Variants in ADAMTSL1 observed in about 807,000 individuals in gnomAD.
ADAMTSL1 encodes ADAMTS like 1, also known as ADAMTS-like protein 1.
In ADAMTSL1, 126 loss-of-function variants were observed where a neutral mutation model predicts 201.8. The observed-to-expected ratio is 0.62, with a 90% CI of 0.54 to 0.72. The LOEUF is 0.72. Ranked by LOEUF, ADAMTSL1 falls within the 30% of genes least tolerant of loss-of-function variation. The probability of loss-of-function intolerance (pLI) is 0.00; values close to 1 mark genes in which losing one functional copy is unlikely to be tolerated. For synonymous variants in ADAMTSL1, 1,121 were observed against 903.4 expected (o/e 1.24, Z -4.32); for missense variants, 2,679 against 2,277.8 (o/e 1.18, Z -3.59).
chr9:17,923,453 G>A (rs1252831706), intron 1 of ADAMTSL1, among the ~76,000 whole-genome samples: 1 of 150,086 alleles, frequency 6.7e-6, no homozygotes, highest in East Asian at 2.0e-4. Flanking sequence ...GTCTGTTGTT[G>A]GTGTATAAGA....
chr9:18,807,620 A>T (rs571107330), intron 20 of ADAMTSL1, among the ~76,000 whole-genome samples: 12 of 147,616 alleles, frequency 8.1e-5, no homozygotes, highest in African/African-American at 1.2e-4. Flanking sequence ...CACTCCAGCC[A>T]GGGCGACAGA....
At position 18,194,916 on chromosome 9, in the gene ADAMTSL1, A is replaced by G. The variant is rs549826739; in HGVS notation, c.207+30935A>G. On this transcript the variant is annotated intron_variant, in intron 2 of 29. Coordinates refer to the ADAMTSL1 transcript ENST00000680146. The stretch of plus-strand genomic sequence containing the variant: ...GACACCAAGGAGTGGGTGACACACA[A>G]GATACATCTTTTCAGAAGTTATTAG... Among the ~76,000 whole-genome samples, 8 of 152,218 alleles carry G rather than the reference A, an allele frequency of 5.3e-5. No individual in the cohort carries two copies. In the South Asian group the frequency reaches 1.2e-3, roughly 24 times the overall value.
intron 2 of ADAMTSL1, among the ~76,000 whole-genome samples, chr9:18,265,771 G>C (rs1832096647): frequency 6.6e-6 from 1 of 152,084 alleles, no homozygotes; most frequent in African/African-American, 2.4e-5. Flanking sequence ...AGTTCTAAAA[G>C]AAAGGAAGAC....
intron 16 of ADAMTSL1, among the ~76,000 whole-genome samples, chr9:18,756,657 G>T (rs562075835): frequency 6.6e-6 from 1 of 152,344 alleles, no homozygotes; most frequent in African/African-American, 2.4e-5. Context: ...TCTGCCAGAG[G>T]ATACTGCTGA....
chr9:18,543,402 GAA>G (rs1489592214), intron 3 of ADAMTSL1, among the ~76,000 whole-genome samples: 2 of 151,944 alleles, frequency 1.3e-5, no homozygotes, highest in Non-Finnish European at 2.9e-5. Flanking sequence ...TCTGAAAAGA[GAA>G]ATGATGAGTG....
chr9:18,598,427 A>T (rs1824411465), intron 4 of ADAMTSL1, among the ~76,000 whole-genome samples: 1 of 152,172 alleles, frequency 6.6e-6, no homozygotes, highest in South Asian at 2.1e-4. Flanking sequence ...CCTTTAAACA[A>T]AAAATTTAAA....
chr9:18,058,345 A>C (rs1410558533), intron 1 of ADAMTSL1, among the ~76,000 whole-genome samples: 1 of 152,190 alleles, frequency 6.6e-6, no homozygotes, highest in Non-Finnish European at 1.5e-5. Context: ...CCAAGAGAAG[A>C]GACCAGATGG....
intron 23 of ADAMTSL1, among the ~76,000 whole-genome samples, chr9:18,867,168 A>C (rs1331584259): frequency 6.6e-6 from 1 of 152,228 alleles, no homozygotes; most frequent in East Asian, 1.9e-4. Context: ...TCTGCCACAC[A>C]CAGCAACCAA....
At position 17,940,737 on chromosome 9, in the gene ADAMTSL1, G is replaced by GA. The variant is rs554745621; in HGVS notation, c.87+33823dup. 1.3e-3 allele frequency among the ~76,000 whole-genome samples: 120 copies of GA among 89,250 alleles called. 1 individual carries two copies. In the East Asian group the frequency reaches 0.038, roughly 28 times the overall value. The allele number at this position is 89,250 out of a possible 152,430, so 58.6% of individuals were successfully genotyped here. A position where few individuals can be genotyped will look rare whatever the true frequency, so the allele number is the denominator to read the frequency against. On this transcript the variant is annotated intron_variant, in intron 1 of 29. Transcript: ENST00000680146. ...CAAAAAAAAAAAAAAAGAAAAAAAA[G>GA]AAAAAAAATGAGACCCTAACTCGAA...
chr9:18,503,980 ATGTGTG>A (rs57749719), intron 1 of ADAMTSL1, among the ~76,000 whole-genome samples: 3 of 148,040 alleles, frequency 2.0e-5, no homozygotes, highest in Non-Finnish European at 4.5e-5. Context: ...ATGTGCATGC[ATGTGTG>A]TGTGTGTGTG....
chr9:18,244,576 C>A (rs1021658423), intron 2 of ADAMTSL1, among the ~76,000 whole-genome samples: 1 of 152,110 alleles, frequency 6.6e-6, no homozygotes, highest in East Asian at 1.9e-4. Context: ...TATGATCCCT[C>A]ACTCTTCCCC....
At position 18,866,116 on chromosome 9, in the gene ADAMTSL1, C is replaced by CAAAAAAAA. The variant is rs76778655; in HGVS notation, c.4250-21708_4250-21701dup. ...AGAGAGATTGCTTGCCTTCAAAAAC[C>CAAAAAAAA]AAAAAAAAAAAAAATGACGGATACT... On this transcript the variant is annotated intron_variant, in intron 23 of 28. Transcript: ENST00000380548. Among the ~76,000 whole-genome samples, 170 of 78,562 alleles carry CAAAAAAAA rather than the reference C, an allele frequency of 2.2e-3. 17 individuals are homozygous for CAAAAAAAA. Among genetic ancestry groups the CAAAAAAAA allele is most frequent in the South Asian group, 6.4e-3 (12 of 1,876 alleles). 51.5% of individuals were successfully genotyped at this position (78,562 alleles called of 152,430 possible).
chr9:18,645,869 T>C (rs199675837), intron 7 of ADAMTSL1, among the ~76,000 whole-genome samples: 58,820 of 98,966 alleles, frequency 0.59, 17,648 homozygotes, highest in East Asian at 0.8. Flanking sequence ...CTTGGCGATG[T>C]GGGCTCTTTT....
chr9:18,309,084 C>A (rs1834018243), intron 2 of ADAMTSL1, among the ~76,000 whole-genome samples: 1 of 152,116 alleles, frequency 6.6e-6, no homozygotes, highest in Admixed American at 6.6e-5. Flanking sequence ...ATGACAAAAA[C>A]CACATGATTA....
At chr9:18,164,516 A>T (rs922742703) in intron 2 of ADAMTSL1, among the ~76,000 whole-genome samples, 2 of 151,736 alleles carry the variant, frequency 1.3e-5, no homozygotes, top group African/African-American at 4.8e-5. Flanking sequence ...TTGACTGGAG[A>T]TGTCAAGATT....
At chr9:18,892,648 CCTGCCACAGTAGGAAGTGAAATGCTATCA>C (rs1711684850) in intron 26 of ADAMTSL1, 52 bp downstream of exon 26, 6 of 1,525,272 alleles carry the variant, frequency 3.9e-6, no homozygotes, top group Non-Finnish European at 5.3e-6. Context: ...AGGAATGGAC[CCTGCCACAGTAGGAAGTGAAATGCTATCA>C]CTGCCACTGC....
At chr9:18,702,056 G>A (rs977098023) in intron 13 of ADAMTSL1, among the ~76,000 whole-genome samples, 7 of 152,122 alleles carry the variant, frequency 4.6e-5, no homozygotes, top group East Asian at 1.9e-4. Context: ...CATGGATAGC[G>A]GCAGGCAAAA....
intron 1 of ADAMTSL1, among the ~76,000 whole-genome samples, chr9:18,479,827 G>T (rs1300300849): frequency 2.6e-5 from 4 of 152,176 alleles, no homozygotes; most frequent in Admixed American, 2.6e-4. Context: ...ACAGGGAAAA[G>T]TACAAGTAGG....
At chr9:18,883,498 A>G (rs1047024735) in intron 23 of ADAMTSL1, among the ~76,000 whole-genome samples, 27 of 152,336 alleles carry the variant, frequency 1.8e-4, no homozygotes, top group African/African-American at 6.0e-4. Flanking sequence ...ATGCCATTGC[A>G]TACATCTACC....
Sources: gnomAD v4.1 joint callset for allele counts (sites outside exome capture counted in the v4.1 genomes callset) on GRCh38, gnomAD v4.1.1 for gene constraint, MANE v1.5 for transcripts, NCBI Gene and HGNC (gene_info 2026-07-23, HGNC 2026-07-21) for gene names.